Variants in TCF4 observed in about 807,000 individuals in gnomAD.
TCF4 encodes the protein transcription factor 4.
A neutral mutation model predicts 82.1 loss-of-function variants in TCF4; 3 were observed. The observed-to-expected ratio is 0.04, with a 90% CI of 0.02 to 0.09. The LOEUF is 0.09. Among genes scored for constraint, TCF4 ranks in the 10% least tolerant of loss-of-function variants. TCF4 has a pLI of 1.00. For synonymous variants in TCF4, 276 were observed against 309.6 expected, an observed-to-expected ratio of 0.89 and a Z score of 1.14; for missense variants, 518 against 852.7, an observed-to-expected ratio of 0.61 and a Z score of 4.89.
intron 6 of TCF4, among the ~76,000 whole-genome samples, chr18:55,398,218 T>C (rs1010960103): frequency 1.1e-4 from 16 of 152,122 alleles, no homozygotes; most frequent in Admixed American, 1.0e-3. Context: ...GAAGGGTATA[T>C]ACCCATAACA....
At chr18:55,577,409 C>T (rs1004590359) in intron 3 of TCF4, among the ~76,000 whole-genome samples, 2 of 151,486 alleles carry the variant, frequency 1.3e-5, no homozygotes, top group Admixed American at 1.3e-4. Flanking sequence ...TGAAGCTATG[C>T]TACCAGTCTC....
intron 15 of TCF4, among the ~76,000 whole-genome samples, chr18:55,238,492 T>C (rs900063408): frequency 2.0e-5 from 3 of 152,222 alleles, no homozygotes; most frequent in Non-Finnish European, 4.4e-5. Flanking sequence ...TCCTGGTTTT[T>C]GTGGAACTCA....
At chr18:55,330,040 T>C (rs913687173) in intron 8 of TCF4, among the ~76,000 whole-genome samples, 7 of 152,180 alleles carry the variant, frequency 4.6e-5, no homozygotes, top group Non-Finnish European at 1.0e-4. Context: ...TGGACCTGTA[T>C]CTACTTAGTA....
At chr18:55,560,168 T>C (rs2097342618) in intron 3 of TCF4, among the ~76,000 whole-genome samples, 2 of 152,180 alleles carry the variant, frequency 1.3e-5, no homozygotes, top group South Asian at 4.1e-4. Context: ...GTACAGACGA[T>C]TTCCGTAAAT....
intron 5 of TCF4, chr18:55,403,760 C>T (rs1273129631): frequency 5.2e-6 from 8 of 1,533,870 alleles, no homozygotes; most frequent in Non-Finnish European, 7.0e-6. Flanking sequence ...AACTGTCATT[C>T]CAATGGCCTC....
At chr18:55,602,415 G>A in intron 2 of TCF4, among the ~76,000 whole-genome samples, 1 of 152,028 alleles carries the variant, frequency 6.6e-6, no homozygotes, top group South Asian at 2.1e-4. Context: ...TTTAATCTTT[G>A]TTGGCATCCG....
chr18:55,507,792 C>T (rs1164462778), intron 3 of TCF4, among the ~76,000 whole-genome samples: 2 of 152,054 alleles, frequency 1.3e-5, no homozygotes, highest in African/African-American at 4.8e-5. Context: ...ATTGTGTGTG[C>T]TGGGAGTAAT....
At chr18:55,619,824 A>G (rs909624830) in intron 2 of TCF4, among the ~76,000 whole-genome samples, 2 of 152,120 alleles carry the variant, frequency 1.3e-5, no homozygotes, top group Non-Finnish European at 2.9e-5. Flanking sequence ...GTATACCTAT[A>G]GACCTTCTTA....
In TCF4 at chr18:55,222,731, C is replaced by T. The variant is rs1244267437; in HGVS notation, c.*5304G>A. ...TACAGTGCAATGTTGAAATAGCCTC[C>T]AAATTTTGCAAAGTAGATTGATGTC... On this transcript the variant is annotated 3_prime_UTR_variant, in exon 20 of 20. Coordinates refer to ENST00000354452, the MANE Select transcript of TCF4 (RefSeq NM_001083962.2). 6.6e-6 allele frequency: 1 copy of T among 152,572 alleles called. No homozygotes were observed. Among genetic ancestry groups the T allele is most frequent in the Non-Finnish European group, 1.5e-5 (1 of 68,024 alleles). 9.5% of individuals were successfully genotyped at this position (152,572 alleles called of 1,614,324 possible). A position where few individuals can be genotyped will look rare whatever the true frequency, so the allele number is the denominator to read the frequency against.
At chr18:55,610,334 G>T (rs757879982) in intron 2 of TCF4, among the ~76,000 whole-genome samples, 5 of 152,170 alleles carry the variant, frequency 3.3e-5, no homozygotes, top group Non-Finnish European at 7.3e-5. Context: ...ACTCCTGCGG[G>T]TTAATTTGGT....
intron 2 of TCF4, among the ~76,000 whole-genome samples, chr18:55,597,300 T>C (rs2097691992): frequency 6.6e-6 from 1 of 152,204 alleles, no homozygotes; most frequent in African/African-American, 2.4e-5. Context: ...TATGGGATTA[T>C]AATGGAGAGG....
At chr18:55,428,417 A>C (rs1475808742) in intron 5 of TCF4, among the ~76,000 whole-genome samples, 1 of 152,196 alleles carries the variant, frequency 6.6e-6, no homozygotes, top group Non-Finnish European at 1.5e-5. Context: ...CTTCAACTGC[A>C]GACTCTCCAC....
intron 18 of TCF4, 103 bp downstream of exon 18, chr18:55,228,744 G>C (rs1599365793): frequency 1.2e-5 from 14 of 1,190,516 alleles, no homozygotes; most frequent in African/African-American, 4.5e-5. Context: ...AATGATGCTT[G>C]AAAGTCTACT....
At chr18:55,472,114 C>T (rs889676366) in intron 3 of TCF4, among the ~76,000 whole-genome samples, 3 of 152,158 alleles carry the variant, frequency 2.0e-5, no homozygotes, top group East Asian at 1.9e-4. Context: ...CAAAAATGAA[C>T]ACTACATTTC....
intron 3 of TCF4, among the ~76,000 whole-genome samples, chr18:55,531,082 G>T (rs1034038806): frequency 6.6e-6 from 1 of 152,010 alleles, no homozygotes; most frequent in Non-Finnish European, 1.5e-5. Context: ...CTCTCGAGTA[G>T]CTGGGAGTAC....
chr18:55,601,842 C>T (rs183811502), intron 2 of TCF4, among the ~76,000 whole-genome samples: 7 of 152,268 alleles, frequency 4.6e-5, no homozygotes, highest in Non-Finnish European at 1.0e-4. Flanking sequence ...ACTCCCAAAC[C>T]GGAAAGTGAT....
intron 6 of TCF4, among the ~76,000 whole-genome samples, chr18:55,363,936 A>T (rs62092451): frequency 0.029 from 4,420 of 152,344 alleles, 87 homozygotes; most frequent in South Asian, 0.054. Flanking sequence ...TTACATTGTA[A>T]TAAGAATAAA....
intron 3 of TCF4, among the ~76,000 whole-genome samples, chr18:55,563,419 T>C (rs66791238): frequency 0.17 from 26,350 of 152,084 alleles, 2,929 homozygotes; most frequent in Admixed American, 0.31. Flanking sequence ...AATAAAAAAT[T>C]AGTGAATGAA....
intron 3 of TCF4, among the ~76,000 whole-genome samples, chr18:55,477,402 G>A (rs1189240837): frequency 6.6e-6 from 1 of 152,222 alleles, no homozygotes; most frequent in Non-Finnish European, 1.5e-5. Flanking sequence ...ACAGAGAATA[G>A]AATACTTGCT....
Sources: allele counts gnomAD v4.1 joint callset (sites outside exome capture counted in the v4.1 genomes callset), GRCh38; gene constraint gnomAD v4.1.1; transcripts MANE v1.5; gene names NCBI Gene and HGNC (gene_info 2026-07-23, HGNC 2026-07-21).